The following GABBR2 variants were observed in gnomAD, a reference collection of about 807,000 sequenced individuals.
GABBR2 encodes the protein G-protein coupled receptor 51.
GABBR2 carries 23 observed loss-of-function variants against 105.6 expected under a neutral mutation model. That is an observed-to-expected ratio of 0.22 (90% CI 0.16 to 0.31). The LOEUF is 0.31. GABBR2 is among the 10% of genes least tolerant of loss of function. The pLI is 1.00. For synonymous variants in GABBR2, 478 were observed against 499.7 expected, an observed-to-expected ratio of 0.96 and a Z score of 0.58; for missense variants, 734 against 1,245.5, an observed-to-expected ratio of 0.59 and a Z score of 6.18.
At chr9:98,537,778 C>A (rs1002932658) in intron 3 of GABBR2, among the ~76,000 whole-genome samples, 1 of 152,104 alleles carries the variant, frequency 6.6e-6, no homozygotes, top group African/African-American at 2.4e-5. Flanking sequence ...TGTACATTAA[C>A]AACGGATGAA....
chr9:98,678,866 G>C (rs73489959), intron 1 of GABBR2, among the ~76,000 whole-genome samples: 2,184 of 152,264 alleles, frequency 0.014, 63 homozygotes, highest in African/African-American at 0.049. Context: ...ATGAATGACT[G>C]TCTATGATGG....
At chr9:98,675,092 A>G (rs1830457922) in intron 1 of GABBR2, among the ~76,000 whole-genome samples, 1 of 152,158 alleles carries the variant, frequency 6.6e-6, no homozygotes, top group Admixed American at 6.5e-5. Context: ...AGAGGATGGA[A>G]CCTGGGAGCT....
Position 98,309,691 on chromosome 9 carries a change from G to A in GABBR2, c.2004+1404C>T, listed in dbSNP as rs1830606973. On this transcript the variant is annotated intron_variant, in intron 14 of 18. Coordinates refer to ENST00000259455, the MANE Select transcript of GABBR2 (RefSeq NM_005458.8). ...TGTCCAAACCCAGGACCTTTGGCCA[G>A]TCCTCAAGTTCCTATTTCTATATTG... 3.3e-5 allele frequency among the ~76,000 whole-genome samples: 5 copies of A among 152,220 alleles called. No homozygotes were observed. The South Asian group carries it at 1.0e-3, about 31-fold the overall frequency.
intron 1 of GABBR2, among the ~76,000 whole-genome samples, chr9:98,665,770 A>G (rs1248230029): frequency 6.6e-6 from 1 of 152,192 alleles, no homozygotes; most frequent in Non-Finnish European, 1.5e-5. Context: ...AACTTCTCAC[A>G]TTGCTGAACG....
chr9:98,592,152 T>C (rs1039425180), intron 1 of GABBR2, among the ~76,000 whole-genome samples: 1 of 152,168 alleles, frequency 6.6e-6, no homozygotes, highest in Admixed American at 6.5e-5. Flanking sequence ...CCTCATTGAC[T>C]GGACATGGCC....
chr9:98,495,540 T>G (rs2045691607), intron 4 of GABBR2, among the ~76,000 whole-genome samples: 1 of 152,186 alleles, frequency 6.6e-6, no homozygotes, highest in Non-Finnish European at 1.5e-5. Context: ...TCAAGGCTCC[T>G]GGGAACTGAC....
chr9:98,695,708 C>A (rs984694392), intron 1 of GABBR2, among the ~76,000 whole-genome samples: 3 of 152,166 alleles, frequency 2.0e-5, no homozygotes, highest in African/African-American at 7.2e-5. Flanking sequence ...CAGGTCAACC[C>A]TCAAAATAAC....
chr9:98,338,041 AG>A, intron 13 of GABBR2, among the ~76,000 whole-genome samples: 1 of 152,280 alleles, frequency 6.6e-6, no homozygotes, highest in East Asian at 1.9e-4. Flanking sequence ...AAAACAAACA[AG>A]TGGTGCTTGC....
intron 14 of GABBR2, among the ~76,000 whole-genome samples, chr9:98,310,351 C>A (rs994160151): frequency 1.3e-5 from 2 of 151,822 alleles, no homozygotes; most frequent in Admixed American, 6.6e-5. Context: ...CGGGTTCAAG[C>A]GATTCTCCTG....
intron 1 of GABBR2, among the ~76,000 whole-genome samples, chr9:98,619,256 T>G (rs925651625): frequency 6.6e-6 from 1 of 151,830 alleles, no homozygotes; most frequent in Admixed American, 6.6e-5. Flanking sequence ...AAAATAAAAT[T>G]TTAACCCCCC....
At chr9:98,415,374 T>C (rs1480662482) in intron 7 of GABBR2, among the ~76,000 whole-genome samples, 1 of 152,308 alleles carries the variant, frequency 6.6e-6, no homozygotes, top group African/African-American at 2.4e-5. Context: ...ATAGATTAAT[T>C]TTTTTACTAT....
In GABBR2 at chr9:98,363,300, A is replaced by G. The variant is rs184760424; in HGVS notation, c.1771-463T>C. Among the ~76,000 whole-genome samples, 71 of 152,322 alleles carry G rather than the reference A, an allele frequency of 4.7e-4. No individual in the cohort carries two copies. The East Asian group carries it at 0.012, about 26-fold the overall frequency. On this transcript the variant is annotated intron_variant, in intron 12 of 18. Transcript: ENST00000259455. The stretch of plus-strand genomic sequence containing the variant: ...ACATACTTAATTATCAGGAGGAACC[A>G]CAGTAGTAACAACAATGAGAGGAAT...
intron 1 of GABBR2, among the ~76,000 whole-genome samples, chr9:98,624,589 AAG>A (rs968859630): frequency 1.3e-5 from 2 of 152,014 alleles, no homozygotes; most frequent in African/African-American, 4.8e-5. Flanking sequence ...GTCTCTCGGG[AAG>A]AGAGAGGAAG....
chr9:98,669,327 G>T (rs1280705094), intron 1 of GABBR2, among the ~76,000 whole-genome samples: 1 of 152,078 alleles, frequency 6.6e-6, no homozygotes, highest in African/African-American at 2.4e-5. Context: ...GACCATTTTT[G>T]CATGGGCTTA....
intron 12 of GABBR2, among the ~76,000 whole-genome samples, chr9:98,366,832 A>G (rs1278015097): frequency 6.6e-6 from 1 of 152,182 alleles, no homozygotes; most frequent in African/African-American, 2.4e-5. Flanking sequence ...GTTATTGTCT[A>G]CAACAGAACC....
intron 2 of GABBR2, among the ~76,000 whole-genome samples, chr9:98,577,228 A>ATGGATGGATGGATG (rs769775744): frequency 4.6e-5 from 7 of 151,184 alleles, no homozygotes; most frequent in East Asian, 3.9e-4. Flanking sequence ...GGATGGATGG[A>ATGGATGGATGGATG]GCAAAAAAGT....
At chr9:98,666,369 C>T (rs1830333747) in intron 1 of GABBR2, among the ~76,000 whole-genome samples, 1 of 152,192 alleles carries the variant, frequency 6.6e-6, no homozygotes, top group Non-Finnish European at 1.5e-5. Context: ...CCCAGTGACC[C>T]ACTTGGAGAA....
At chr9:98,321,088 GC>G (rs1486658567) in intron 13 of GABBR2, among the ~76,000 whole-genome samples, 1 of 152,070 alleles carries the variant, frequency 6.6e-6, no homozygotes, top group African/African-American at 2.4e-5. Context: ...TACAGGAAAG[GC>G]CTGGGAAAGG....
chr9:98,566,707 G>T (rs62576025), intron 2 of GABBR2, among the ~76,000 whole-genome samples: 3 of 149,716 alleles, frequency 2.0e-5, no homozygotes, highest in Admixed American at 6.7e-5. Flanking sequence ...TTAGCTGGGC[G>T]TGGTAGTATG....
Sources: gnomAD v4.1 joint callset for allele counts (sites outside exome capture counted in the v4.1 genomes callset) on GRCh38, gnomAD v4.1.1 for gene constraint, MANE v1.5 for transcripts, NCBI Gene and HGNC (gene_info 2026-07-23, HGNC 2026-07-21) for gene names.